The following SRPK1 variants were observed in gnomAD, a reference collection of about 807,000 sequenced individuals.
SRPK1 encodes SRSF protein kinase 1, also known as SFRS protein kinase 1.
SRPK1 carries 52 observed loss-of-function variants against 89.5 expected under a neutral mutation model. The ratio of observed to expected loss-of-function variants is 0.58; its 90% CI spans 0.46 to 0.73. The LOEUF (loss-of-function observed/expected upper bound fraction) is 0.73. Among genes scored for constraint, SRPK1 ranks in the 30% least tolerant of loss-of-function variants. The pLI is 0.00. For missense variants in SRPK1, 603 were observed against 780.6 expected, an observed-to-expected ratio of 0.77 and a Z score of 2.71; for synonymous variants, 255 against 270.2, an observed-to-expected ratio of 0.94 and a Z score of 0.55.
At chr6:35,891,169 C>A in intron 2 of SRPK1, 156 bp from the exon 3 acceptor site, 2 of 798,814 alleles carry the variant, frequency 2.5e-6, no homozygotes, top group South Asian at 3.5e-5. Context: ...AGTTTTACCT[C>A]ATGTTAGAAA....
Position 35,869,582 on chromosome 6 carries a change from G to C in SRPK1, c.1311C>G (p.Phe437Leu). The C allele has an allele frequency of 6.2e-7, 1 of 1,613,954 alleles. No homozygotes were observed. Among genetic ancestry groups the C allele is most frequent in the Non-Finnish European group, 8.5e-7 (1 of 1,179,864 alleles). ...GAAGTTGGCTAATGTGTTGTTCACT[G>C]AATGACTGACCTACAGTTGAGGAAG... The part of the protein sequence containing the change: ...CQSSSTVGQS[F>L]SEQHISQLQE... Residue 437 changes from phenylalanine to leucine, a missense_variant, in exon 11 of 16, where the codon TTC becomes TTG. Transcript: ENST00000373825.
intron 6 of SRPK1, among the ~76,000 whole-genome samples, chr6:35,881,046 T>C (rs1770277648): frequency 6.6e-6 from 1 of 151,970 alleles, no homozygotes; most frequent in Non-Finnish European, 1.5e-5. Context: ...GCCAATATAT[T>C]TGAAATACTA....
Position 35,870,119 on chromosome 6 carries a change from T to C in SRPK1, c.991+162A>G, listed in dbSNP as rs1769998838. Among the ~76,000 whole-genome samples, 8 of 152,202 alleles carry C rather than the reference T, an allele frequency of 5.3e-5. No homozygotes were observed. The South Asian group carries it at 1.7e-3, about 31-fold the overall frequency. ...CCATTTCCTGAGAAAAGTTACAAAT[T>C]ACATTTAAATATTACCTGCCTAACA... On this transcript the variant is annotated intron_variant, in intron 10 of 15. Coordinates refer to ENST00000373825, the MANE Select transcript of SRPK1 (RefSeq NM_003137.5).
intron 14 of SRPK1, among the ~76,000 whole-genome samples, chr6:35,839,695 T>C (rs536095737): frequency 6.6e-6 from 1 of 151,848 alleles, no homozygotes; most frequent in East Asian, 1.9e-4. Flanking sequence ...TTTTTTTTTT[T>C]TTTGAGATGG....
chr6:35,880,560 T>C (rs943004216), intron 6 of SRPK1, among the ~76,000 whole-genome samples: 1 of 150,178 alleles, frequency 6.7e-6, no homozygotes, highest in African/African-American at 2.5e-5. Flanking sequence ...CCATCTCTAC[T>C]GATATACAAA....
In SRPK1 at chr6:35,920,037, T is replaced by C. The variant is rs751641441; in HGVS notation, c.74+431A>G. Reference sequence around the variant, plus strand: ...AGAACCCAAAGTAAACACGGAAAAATTCATTCAAGAATTTCCTTAAGGCCT... The same window carrying C: ...AGAACCCAAAGTAAACACGGAAAAACTCATTCAAGAATTTCCTTAAGGCCT... On this transcript the variant is annotated intron_variant, in intron 2 of 15. Transcript: ENST00000373825. 32 of 456,376 alleles carry C rather than the reference T, an allele frequency of 7.0e-5. 1 individual carries two copies. The highest frequency in any genetic ancestry group is 3.4e-4 in the South Asian group (22 of 64,544). 28.3% of individuals were successfully genotyped at this position (456,376 alleles called of 1,614,324 possible).
intron 6 of SRPK1, among the ~76,000 whole-genome samples, chr6:35,876,359 G>A (rs1770157837): frequency 1.3e-5 from 2 of 152,106 alleles, no homozygotes; most frequent in African/African-American, 2.4e-5. Context: ...ATGACAGGTC[G>A]GGCATGGTGG....
chr6:35,890,799 C>T, intron 3 of SRPK1, 96 bp downstream of exon 3: 3 of 1,068,798 alleles, frequency 2.8e-6, no homozygotes, highest in Non-Finnish European at 2.6e-6. Flanking sequence ...AAGTAAACAG[C>T]AATAAAACTG....
intron 13 of SRPK1, among the ~76,000 whole-genome samples, chr6:35,852,782 TA>T (rs746754649): frequency 1.8e-4 from 28 of 152,218 alleles, no homozygotes; most frequent in Non-Finnish European, 2.1e-4. Context: ...CAGTTATGGA[TA>T]AACCCCTTTG....
At chr6:35,891,203 CATA>C (rs1770510920) in intron 2 of SRPK1, among the ~76,000 whole-genome samples, 190 bp from the exon 3 acceptor site, 1 of 152,212 alleles carries the variant, frequency 6.6e-6, no homozygotes, top group East Asian at 1.9e-4. Context: ...AACTTCAGTA[CATA>C]ATAAATAAAA....
chr6:35,920,419 G>A, intron 2 of SRPK1, 49 bp downstream of exon 2: 1 of 1,599,994 alleles, frequency 6.3e-7, no homozygotes, highest in Non-Finnish European at 8.6e-7. Flanking sequence ...GAGCAGAGAA[G>A]GTGCCGGAGG....
Position 35,869,019 on chromosome 6 carries a change from A to G in SRPK1, c.1503T>C (p.Ala501=), listed in dbSNP as rs1259324654. ...GGCAAGTTTAACTTACCACCCAACA[A>G]GCATTTCCAAGGTCAGCAATCTTCA... ...LKVKIADLGN[A]CWVHKHFTED... The change falls in exon 12 of 16, where the codon GCT becomes GCC. Residue 501 remains alanine (A), a synonymous_variant. Coordinates refer to ENST00000373825, the MANE Select transcript of SRPK1 (RefSeq NM_003137.5). 6.2e-6 allele frequency: 10 copies of G among 1,613,624 alleles called. No homozygotes were observed. In the African/African-American group the frequency reaches 1.3e-4, roughly 22 times the overall value.
At chr6:35,897,069 G>T (rs1403529284) in intron 2 of SRPK1, among the ~76,000 whole-genome samples, 1 of 152,190 alleles carries the variant, frequency 6.6e-6, no homozygotes, top group Non-Finnish European at 1.5e-5. Flanking sequence ...GCGAGTAATG[G>T]TGAGTGACTA....
At chr6:35,855,246 G>A (rs1489044272) in intron 13 of SRPK1, among the ~76,000 whole-genome samples, 1 of 152,000 alleles carries the variant, frequency 6.6e-6, no homozygotes, top group Non-Finnish European at 1.5e-5. Flanking sequence ...AGCTTGCAGT[G>A]AGCCAAGATT....
intron 2 of SRPK1, among the ~76,000 whole-genome samples, chr6:35,898,386 TG>T (rs949598991): frequency 7.2e-5 from 11 of 152,152 alleles, no homozygotes; most frequent in African/African-American, 2.4e-4. Flanking sequence ...GGGAGAAGAT[TG>T]GGGGGTTAGG....
At chr6:35,871,056 C>T in intron 8 of SRPK1, 97 bp from the exon 9 acceptor site, 1 of 932,556 alleles carries the variant, frequency 1.1e-6, no homozygotes, top group Non-Finnish European at 1.6e-6. Flanking sequence ...AAAAGTCTTT[C>T]TTATGTAGTC....
chr6:35,838,259 G>A, intron 15 of SRPK1, 78 bp downstream of exon 15: 2 of 952,580 alleles, frequency 2.1e-6, no homozygotes, highest in Non-Finnish European at 3.0e-6. Context: ...CATTCTGTAG[G>A]ACATTGGGAA....
At chr6:35,859,352 T>C (rs1280706529) in intron 12 of SRPK1, among the ~76,000 whole-genome samples, 3 of 152,172 alleles carry the variant, frequency 2.0e-5, no homozygotes, top group African/African-American at 7.2e-5. Context: ...CTTATATAAC[T>C]GTCTCCCCCA....
intron 13 of SRPK1, among the ~76,000 whole-genome samples, chr6:35,844,162 G>C (rs1769378892): frequency 6.6e-6 from 1 of 151,878 alleles, no homozygotes; most frequent in Non-Finnish European, 1.5e-5. Context: ...CCGCCACCAA[G>C]CCCGGCTAAT....
Sources: allele counts gnomAD v4.1 joint callset (sites outside exome capture counted in the v4.1 genomes callset), GRCh38; gene constraint gnomAD v4.1.1; transcripts MANE v1.5; gene names NCBI Gene and HGNC (gene_info 2026-07-23, HGNC 2026-07-21).